Variants in NXPE2 observed in about 807,000 individuals in gnomAD.
The protein encoded by NXPE2 is neurexophilin and PC-esterase domain family member 2.
In NXPE2, 34 loss-of-function variants were observed where a neutral mutation model predicts 34.4. The observed-to-expected ratio is 0.99, with a 90% CI of 0.75 to 1.31. NXPE2 has a LOEUF of 1.31. Ranked by LOEUF, NXPE2 falls within the 40% of genes most tolerant of loss-of-function variation. The pLI is 0.00. For missense variants in NXPE2, 649 were observed against 672.5 expected (o/e 0.97, Z 0.39); for synonymous variants, 235 against 231.3 (o/e 1.02, Z -0.15).
At chr11:114,610,208 A>T in the NXPE2 span, among the ~76,000 whole-genome samples, 1 of 151,818 alleles carries the variant, frequency 6.6e-6, no homozygotes, top group Non-Finnish European at 1.5e-5. Flanking sequence ...AGCCACTGTT[A>T]CCCAGTCAAT....
chr11:114,632,568 C>T, the NXPE2 span, among the ~76,000 whole-genome samples: 2 of 107,858 alleles, frequency 1.9e-5, no homozygotes, highest in African/African-American at 7.4e-5. Flanking sequence ...TATATATTTA[C>T]ATATATCATA....
At chr11:114,795,230 G>A in the NXPE2 span, among the ~76,000 whole-genome samples, 1 of 152,150 alleles carries the variant, frequency 6.6e-6, no homozygotes, top group Admixed American at 6.5e-5. Context: ...GAGAAGGGAT[G>A]TGAAGGAAGG....
chr11:114,583,815 A>AT, the NXPE2 span: 4 of 428,790 alleles, frequency 9.3e-6, no homozygotes, highest in Non-Finnish European at 1.4e-5. Flanking sequence ...GAGGCCTTCT[A>AT]TATTACAGGC....
At chr11:114,676,451 G>T (rs1035935953), upstream of NXPE2, among the ~76,000 whole-genome samples, 12 of 151,894 alleles carry the variant, frequency 7.9e-5, no homozygotes, top group Admixed American at 3.9e-4. Context: ...TGGAAAAGGA[G>T]CTGAATAGAT....
chr11:114,492,333 T>C, the NXPE2 span, among the ~76,000 whole-genome samples: 1 of 152,128 alleles, frequency 6.6e-6, no homozygotes, highest in Non-Finnish European at 1.5e-5. Flanking sequence ...GTAGTTTTAT[T>C]CCATTGTTTT....
At chr11:114,580,148 G>T in the NXPE2 span, 2 of 1,613,602 alleles carry the variant, frequency 1.2e-6, no homozygotes, top group Non-Finnish European at 8.5e-7. Context: ...TACTGGCTTT[G>T]AAGTATTCCA....
chr11:114,540,415 AAAAT>A, the NXPE2 span, among the ~76,000 whole-genome samples: 1 of 152,252 alleles, frequency 6.6e-6, no homozygotes, highest in African/African-American at 2.4e-5. Context: ...TATGTAAATT[AAAAT>A]AAATACAAAC....
chr11:114,546,614 C>T, the NXPE2 span, among the ~76,000 whole-genome samples: 3 of 151,722 alleles, frequency 2.0e-5, no homozygotes, highest in Non-Finnish European at 2.9e-5. Flanking sequence ...TATTTCTGAG[C>T]GCTGTCTTCT....
chr11:114,573,597 C>G, the NXPE2 span, among the ~76,000 whole-genome samples: 2 of 151,968 alleles, frequency 1.3e-5, no homozygotes, highest in Admixed American at 1.3e-4. Flanking sequence ...AACTTTAAAG[C>G]AACAGCAGTT....
the NXPE2 span, among the ~76,000 whole-genome samples, chr11:114,589,193 C>T: frequency 6.6e-6 from 1 of 152,280 alleles, no homozygotes; most frequent in East Asian, 1.9e-4. Context: ...GGTGATCAGA[C>T]TGCCCCCAGA....
chr11:114,563,040 G>A, the NXPE2 span, among the ~76,000 whole-genome samples: 1 of 152,102 alleles, frequency 6.6e-6, no homozygotes, highest in Admixed American at 6.5e-5. Context: ...AGGGTTTGGG[G>A]GAAGAGTGTT....
At chr11:114,729,036 A>G in the NXPE2 span, among the ~76,000 whole-genome samples, 43 of 152,156 alleles carry the variant, frequency 2.8e-4, no homozygotes, top group Admixed American at 2.6e-3. Flanking sequence ...CAGATTGAGC[A>G]TGGTACCCAA....
chr11:114,586,967 C>T, the NXPE2 span, among the ~76,000 whole-genome samples: 1 of 152,102 alleles, frequency 6.6e-6, no homozygotes, highest in Non-Finnish European at 1.5e-5. Flanking sequence ...CTCCCCACAC[C>T]CCCTGTGAAC....
At chr11:114,650,465 G>A in the NXPE2 span, among the ~76,000 whole-genome samples, 2 of 152,268 alleles carry the variant, frequency 1.3e-5, no homozygotes, top group Non-Finnish European at 2.9e-5. Flanking sequence ...CAGGCATGAA[G>A]GAAGTAATTG....
chr11:114,555,520 C>T, the NXPE2 span, among the ~76,000 whole-genome samples: 47 of 152,292 alleles, frequency 3.1e-4, 1 homozygote, highest in African/African-American at 8.7e-4. Flanking sequence ...CCACCACGCC[C>T]AGCCAAGAAT....
chr11:114,537,907 T>G, the NXPE2 span, among the ~76,000 whole-genome samples: 1 of 152,152 alleles, frequency 6.6e-6, no homozygotes, highest in Admixed American at 6.5e-5. Context: ...CCAATGACTT[T>G]CTTCACAGAA....
chr11:114,635,546 T>G, the NXPE2 span, among the ~76,000 whole-genome samples: 2 of 152,154 alleles, frequency 1.3e-5, no homozygotes, highest in East Asian at 3.9e-4. Flanking sequence ...TTGTGCCAGT[T>G]TTCAAAGGGA....
chr11:114,581,797 C>T, the NXPE2 span: 1 of 1,591,116 alleles, frequency 6.3e-7, no homozygotes, highest in Non-Finnish European at 8.6e-7. Flanking sequence ...CTTAAAGACA[C>T]AAATACAGAA....
At chr11:114,758,128 G>A in the NXPE2 span, among the ~76,000 whole-genome samples, 1 of 151,958 alleles carries the variant, frequency 6.6e-6, no homozygotes, top group East Asian at 1.9e-4. Context: ...AGCAGATTCT[G>A]GGTTGGTGCT....
Sources: allele counts gnomAD v4.1 joint callset (sites outside exome capture counted in the v4.1 genomes callset), GRCh38; gene constraint gnomAD v4.1.1; transcripts MANE v1.5; gene names NCBI Gene and HGNC (gene_info 2026-07-23, HGNC 2026-07-21).